Variants in LRRC28 observed in about 807,000 individuals in gnomAD.
LRRC28 encodes leucine-rich repeat-containing protein 28.
In LRRC28, 39 loss-of-function variants were observed where a neutral mutation model predicts 45.7. That is an observed-to-expected ratio of 0.85 (90% CI 0.66 to 1.12). The LOEUF (loss-of-function observed/expected upper bound fraction) is 1.12, where lower values mean the gene tolerates loss of function less well. LRRC28 is among the 50% of genes most tolerant of loss of function. The pLI, the probability that LRRC28 is intolerant of heterozygous loss-of-function variation, is 0.00. For missense variants in LRRC28, 435 were observed against 438.5 expected (o/e 0.99, Z 0.07); for synonymous variants, 206 against 178.8 (o/e 1.15, Z -1.22).
intron 9 of LRRC28, among the ~76,000 whole-genome samples, chr15:99,380,419 G>T (rs566128308): frequency 1.3e-5 from 2 of 152,002 alleles, no homozygotes; most frequent in Admixed American, 1.3e-4. Context: ...TTTATTTTGA[G>T]CCTGTGTGTG....
At chr15:99,288,699 T>C (rs1288720250) in intron 5 of LRRC28, among the ~76,000 whole-genome samples, 3 of 151,714 alleles carry the variant, frequency 2.0e-5, no homozygotes, top group Non-Finnish European at 2.9e-5. Context: ...TTTCTGTTTT[T>C]AACAGAGTCT....
At chr15:99,306,086 C>T (rs1246083155) in intron 5 of LRRC28, among the ~76,000 whole-genome samples, 1 of 152,158 alleles carries the variant, frequency 6.6e-6, no homozygotes, top group African/African-American at 2.4e-5. Context: ...CAATATTAGG[C>T]TACATTGCCT....
chr15:99,353,943 A>G (rs913063122), intron 7 of LRRC28: 2 of 152,218 alleles, frequency 1.3e-5, no homozygotes, highest in Non-Finnish European at 2.9e-5. Flanking sequence ...GAATTTCATG[A>G]GAACTCCAAA....
chr15:99,328,630 G>T (rs991779410), intron 5 of LRRC28, among the ~76,000 whole-genome samples: 6 of 150,292 alleles, frequency 4.0e-5, no homozygotes, highest in Non-Finnish European at 7.4e-5. Context: ...TTCCAGAGGA[G>T]ACTAGCACAT....
At position 99,251,483 on chromosome 15, in the gene LRRC28, C is replaced by A. The variant is rs891484220; in HGVS notation, c.-119C>A. 6 of 152,368 alleles carry A rather than the reference C, an allele frequency of 3.9e-5. No individual in the cohort carries two copies. The highest frequency in any genetic ancestry group is 1.2e-4 in the African/African-American group (5 of 41,414). 9.4% of individuals were successfully genotyped at this position (152,368 alleles called of 1,614,324 possible). ...CTCCCTGCCCCGCCCCGCCCGCCGT[C>A]CCCCGCTTGGCTTCCAGCGCCGCTT... is the stretch of plus-strand genomic sequence containing the variant. On this transcript the variant is annotated 5_prime_UTR_variant, in exon 1 of 10. Coordinates refer to ENST00000301981, the MANE Select transcript of LRRC28 (RefSeq NM_144598.5).
intron 5 of LRRC28, among the ~76,000 whole-genome samples, chr15:99,308,147 C>G (rs1955255802): frequency 1.3e-5 from 2 of 152,148 alleles, no homozygotes; most frequent in African/African-American, 4.8e-5. Context: ...GTGTCTCACT[C>G]ACTTTCTTTT....
chr15:99,321,838 A>C (rs1043257989), intron 5 of LRRC28, among the ~76,000 whole-genome samples: 2 of 152,214 alleles, frequency 1.3e-5, no homozygotes, highest in African/African-American at 4.8e-5. Context: ...GTTCTTATGA[A>C]ATTTATTTTC....
At chr15:99,327,498 T>G (rs1475933076) in intron 5 of LRRC28, among the ~76,000 whole-genome samples, 1 of 152,220 alleles carries the variant, frequency 6.6e-6, no homozygotes, top group African/African-American at 2.4e-5. Context: ...TTTGTTCATA[T>G]TATAGTATGT....
Position 99,339,640 on chromosome 15 carries a change from A to C in LRRC28, c.592+5511A>C, listed in dbSNP as rs1483675402. Among the ~76,000 whole-genome samples, 4 of 152,236 alleles carry C rather than the reference A, an allele frequency of 2.6e-5. No individual in the cohort carries two copies. The East Asian group carries it at 5.8e-4, about 22-fold the overall frequency. ...CAGCTACTGGTGAGGCTGAGGCCCC[A>C]AAATCGCTTGAACCCGGGAGGTTGC... On this transcript the variant is annotated intron_variant, in intron 6 of 9. Coordinates refer to ENST00000301981, the MANE Select transcript of LRRC28 (RefSeq NM_144598.5).
chr15:99,257,634 AG>A, intron 2 of LRRC28: 1 of 706,882 alleles, frequency 1.4e-6, no homozygotes, highest in East Asian at 2.7e-5. Context: ...CAAGCTGTGA[AG>A]GCCCTGTGGG....
intron 2 of LRRC28, among the ~76,000 whole-genome samples, chr15:99,256,750 G>A (rs886852710): frequency 1.3e-5 from 2 of 152,160 alleles, no homozygotes; most frequent in East Asian, 1.9e-4. Flanking sequence ...TAAGCACGTA[G>A]TTTTCATTAT....
At chr15:99,305,026 G>A (rs539919365) in intron 5 of LRRC28, among the ~76,000 whole-genome samples, 77 of 152,222 alleles carry the variant, frequency 5.1e-4, no homozygotes, top group African/African-American at 1.7e-3. Context: ...ACCTGCTCGC[G>A]TGCATCACTG....
chr15:99,268,718 A>G (rs2081396154), intron 2 of LRRC28, among the ~76,000 whole-genome samples: 1 of 152,286 alleles, frequency 6.6e-6, no homozygotes, highest in East Asian at 1.9e-4. Context: ...TGTTCAAGCT[A>G]GGTGTAATCT....
At chr15:99,310,313 A>G (rs540496640) in intron 5 of LRRC28, among the ~76,000 whole-genome samples, 40 of 152,240 alleles carry the variant, frequency 2.6e-4, no homozygotes, top group Non-Finnish European at 4.8e-4. Flanking sequence ...TATAGTTAAT[A>G]CATATAGAAG....
intron 2 of LRRC28, among the ~76,000 whole-genome samples, chr15:99,274,681 C>G (rs2081569532): frequency 6.6e-6 from 1 of 152,102 alleles, no homozygotes; most frequent in African/African-American, 2.4e-5. Flanking sequence ...TTTCTAGTAC[C>G]TAACACGTTA....
At chr15:99,289,936 T>A (rs1223558768) in intron 5 of LRRC28, among the ~76,000 whole-genome samples, 2 of 47,224 alleles carry the variant, frequency 4.2e-5, no homozygotes, top group Non-Finnish European at 3.7e-5. Flanking sequence ...CAAGACTCCG[T>A]CTCAAAAAAA....
chr15:99,259,772 A>G, intron 2 of LRRC28: 1 of 1,280,280 alleles, frequency 7.8e-7, no homozygotes, highest in Non-Finnish European at 1.1e-6. Context: ...TTTGTTTGAA[A>G]CAGCAATGCA....
intron 2 of LRRC28, among the ~76,000 whole-genome samples, chr15:99,271,594 A>G (rs1465383848): frequency 6.6e-6 from 1 of 151,082 alleles, no homozygotes; most frequent in Non-Finnish European, 1.5e-5. Flanking sequence ...TCTTTTATTT[A>G]TTTATTTATA....
intron 2 of LRRC28, among the ~76,000 whole-genome samples, chr15:99,263,009 A>G (rs942021900): frequency 1.3e-5 from 2 of 151,998 alleles, no homozygotes; most frequent in African/African-American, 4.8e-5. Context: ...CTGATAGGTG[A>G]AAAAGAAGTA....
Sources: gnomAD v4.1 joint callset for allele counts (sites outside exome capture counted in the v4.1 genomes callset) on GRCh38, gnomAD v4.1.1 for gene constraint, MANE v1.5 for transcripts, NCBI Gene and HGNC (gene_info 2026-07-23, HGNC 2026-07-21) for gene names.